The following DCC variants were observed in gnomAD, a reference collection of about 807,000 sequenced individuals.
The protein encoded by DCC is netrin receptor DCC.
DCC carries 58 observed loss-of-function variants against 172.5 expected under a neutral mutation model. The ratio of observed to expected loss-of-function variants is 0.34; its 90% CI spans 0.27 to 0.42. The LOEUF (loss-of-function observed/expected upper bound fraction) is 0.42. Among genes scored for constraint, DCC ranks in the 10% least tolerant of loss-of-function variants. The probability of loss-of-function intolerance (pLI) is 1.00; values close to 1 mark genes in which losing one functional copy is unlikely to be tolerated. For missense variants in DCC, 1,740 were observed against 1,791.0 expected (o/e 0.97, Z 0.51); for synonymous variants, 709 against 644.5 (o/e 1.10, Z -1.52).
chr18:52,799,377 T>G (rs1229865104), intron 2 of DCC, among the ~76,000 whole-genome samples: 1 of 152,196 alleles, frequency 6.6e-6, no homozygotes, highest in Non-Finnish European at 1.5e-5. Flanking sequence ...GAATTTTTGT[T>G]TTGTGGCATG....
At chr18:53,016,525 T>C (rs1179275251) in intron 5 of DCC, among the ~76,000 whole-genome samples, 4 of 152,264 alleles carry the variant, frequency 2.6e-5, no homozygotes, top group Non-Finnish European at 2.9e-5. Flanking sequence ...ACGTCTGTTA[T>C]GTTAGTTTCC....
intron 1 of DCC, among the ~76,000 whole-genome samples, chr18:52,530,396 G>C (rs2032113548): frequency 6.6e-6 from 1 of 152,154 alleles, no homozygotes; most frequent in African/African-American, 2.4e-5. Flanking sequence ...TCTGTCTGTG[G>C]GTTTAAACCC....
At chr18:52,343,252 A>T (rs1452906151) in intron 1 of DCC, among the ~76,000 whole-genome samples, 1 of 152,230 alleles carries the variant, frequency 6.6e-6, no homozygotes, top group Admixed American at 6.5e-5. Context: ...CAGGAAACTT[A>T]CAACGAGAAA....
chr18:53,185,854 G>C (rs1232549304), intron 9 of DCC, among the ~76,000 whole-genome samples: 1 of 152,192 alleles, frequency 6.6e-6, no homozygotes, highest in Non-Finnish European at 1.5e-5. Flanking sequence ...AAACAAAAAA[G>C]TTAATTATGT....
intron 8 of DCC, among the ~76,000 whole-genome samples, chr18:53,178,112 T>C (rs1447639572): frequency 1.3e-5 from 2 of 152,174 alleles, no homozygotes; most frequent in Middle Eastern, 3.2e-3. Flanking sequence ...CTCAGTTCAA[T>C]CAGCTATATG....
chr18:52,784,934 G>A (rs113855868), intron 2 of DCC, among the ~76,000 whole-genome samples: 5 of 141,446 alleles, frequency 3.5e-5, no homozygotes, highest in East Asian at 2.3e-4. Flanking sequence ...AGAGAAGGGG[G>A]GAGAGAGAGA....
chr18:53,511,338 T>C (rs2046249043), intron 27 of DCC, among the ~76,000 whole-genome samples: 1 of 152,230 alleles, frequency 6.6e-6, no homozygotes, highest in Non-Finnish European at 1.5e-5. Flanking sequence ...ATATTCGACC[T>C]GCTAGCTGTA....
At chr18:52,561,427 G>A (rs2144740363) in intron 1 of DCC, among the ~76,000 whole-genome samples, 1 of 151,488 alleles carries the variant, frequency 6.6e-6, no homozygotes, top group South Asian at 2.1e-4. Context: ...ATATATGTTT[G>A]TGTGTGTATG....
At chr18:52,627,512 C>A (rs73457841) in intron 1 of DCC, among the ~76,000 whole-genome samples, 9,317 of 152,156 alleles carry the variant, frequency 0.061, 949 homozygotes, top group African/African-American at 0.21. Context: ...TTTTATGATG[C>A]GTTGTATATA....
chr18:52,801,255 A>G (rs1206573087), intron 2 of DCC, among the ~76,000 whole-genome samples: 1 of 152,216 alleles, frequency 6.6e-6, no homozygotes, highest in Non-Finnish European at 1.5e-5. Context: ...CACAGCTTCT[A>G]TTGTAATTCT....
intron 13 of DCC, among the ~76,000 whole-genome samples, chr18:53,312,037 CG>C (rs1395101068): frequency 6.6e-6 from 1 of 151,604 alleles, no homozygotes. Context: ...GGGTAGGGCG[CG>C]GTGGCTCATG....
intron 1 of DCC, among the ~76,000 whole-genome samples, chr18:52,698,240 C>A (rs1476983133): frequency 6.6e-6 from 1 of 152,154 alleles, no homozygotes; most frequent in African/African-American, 2.4e-5. Flanking sequence ...ATCTGAAATA[C>A]TCTCAGTGTT....
At chr18:53,263,597 G>A (rs1424003489) in intron 12 of DCC, among the ~76,000 whole-genome samples, 1 of 152,076 alleles carries the variant, frequency 6.6e-6, no homozygotes, top group Non-Finnish European at 1.5e-5. Context: ...ATTATTAATG[G>A]TGCATCTAAA....
At chr18:53,059,512 G>C (rs1428023563) in intron 5 of DCC, among the ~76,000 whole-genome samples, 1 of 152,082 alleles carries the variant, frequency 6.6e-6, no homozygotes, top group East Asian at 1.9e-4. Flanking sequence ...ACCCAAGCCT[G>C]TATGTTTAGA....
At chr18:52,559,656 C>T (rs144771680) in intron 1 of DCC, among the ~76,000 whole-genome samples, 1 of 152,108 alleles carries the variant, frequency 6.6e-6, no homozygotes, top group African/African-American at 2.4e-5. Flanking sequence ...ATACCATGTT[C>T]CTGCCTGTTT....
At chr18:52,695,381 C>T (rs1237825254) in intron 1 of DCC, among the ~76,000 whole-genome samples, 1 of 152,112 alleles carries the variant, frequency 6.6e-6, no homozygotes, top group Non-Finnish European at 1.5e-5. Flanking sequence ...TTATTAATGA[C>T]AGTAGTCCCT....
At chr18:52,595,663 G>A (rs1428429584) in intron 1 of DCC, among the ~76,000 whole-genome samples, 8 of 152,062 alleles carry the variant, frequency 5.3e-5, no homozygotes, top group Admixed American at 4.6e-4. Context: ...CGCTATCATC[G>A]CTCAATGGGG....
At chr18:52,584,988 C>T (rs1322613470) in intron 1 of DCC, among the ~76,000 whole-genome samples, 3 of 152,188 alleles carry the variant, frequency 2.0e-5, no homozygotes, top group Admixed American at 6.5e-5. Flanking sequence ...ACATTTAGAA[C>T]TTCATTGGAG....
chr18:52,466,774 A>G (rs545989619), intron 1 of DCC, among the ~76,000 whole-genome samples: 20 of 152,284 alleles, frequency 1.3e-4, no homozygotes, highest in Middle Eastern at 3.4e-3. Flanking sequence ...TTGAGTTTCC[A>G]TGATAAAAAG....
Sources: allele counts gnomAD v4.1 joint callset (sites outside exome capture counted in the v4.1 genomes callset), GRCh38; gene constraint gnomAD v4.1.1; transcripts MANE v1.5; gene names NCBI Gene and HGNC (gene_info 2026-07-23, HGNC 2026-07-21).